The following EMC2 variants were observed in gnomAD, a reference collection of about 807,000 sequenced individuals.
EMC2 encodes the protein TPR repeat protein 35.
A neutral mutation model predicts 51.6 loss-of-function variants in EMC2; 37 were observed. The ratio of observed to expected loss-of-function variants is 0.72; its 90% CI spans 0.55 to 0.94. The LOEUF (loss-of-function observed/expected upper bound fraction) is 0.94. Among genes scored for constraint, EMC2 ranks in the 40% least tolerant of loss-of-function variants. EMC2 has a pLI of 0.00. For missense variants in EMC2, 359 were observed against 350.9 expected (o/e 1.02, Z -0.18); for synonymous variants, 131 against 112.4 (o/e 1.17, Z -1.04).
Position 108,455,942 on chromosome 8 carries a change from G to A in EMC2, c.363+12G>A, listed in dbSNP as rs1364189274. 2.3e-6 allele frequency: 3 copies of A among 1,287,012 alleles called. No homozygotes were observed. Among genetic ancestry groups the A allele is most frequent in the Admixed American group, 2.6e-5 (1 of 38,626 alleles). The allele number at this position is 1,287,012 out of a possible 1,614,324, so 79.7% of individuals were successfully genotyped here. A position where few individuals can be genotyped will look rare whatever the true frequency, so the allele number is the denominator to read the frequency against. On this transcript the variant is annotated intron_variant, in intron 5 of 10. Transcript: ENST00000220853. ...ATCCAACTAACACTGTAAGTTGGCA[G>A]ATTGTCTTGAAAAAAATCTAAAGTT... is the stretch of plus-strand genomic sequence containing the variant.
rs1172582972 is a variant in EMC2 at position 108,476,762 on chromosome 8, C to A, written c.592-20C>A. The A allele has an allele frequency of 6.5e-6, 7 of 1,079,434 alleles. No individual in the cohort carries two copies. Among genetic ancestry groups the A allele is most frequent in the Non-Finnish European group, 1.0e-5 (7 of 693,950 alleles). The allele number at this position is 1,079,434 out of a possible 1,614,324, so 66.9% of individuals were successfully genotyped here. A position where few individuals can be genotyped will look rare whatever the true frequency, so the allele number is the denominator to read the frequency against. On this transcript the variant is annotated intron_variant, in intron 8 of 10. Transcript: ENST00000220853. ...AAGTAGTAAAATAAACAGTTTTCAG[C>A]ACTTTGCAATTTTTAACAGGTTAAG...
Position 108,451,074 on chromosome 8 carries a change from G to A in EMC2, c.219+582G>A, listed in dbSNP as rs544403268. ...AAAAATCAGCCAGGCGTGGTGGAGC[G>A]TGCCTCTAGTCCCAGCTACTCTGGG... On this transcript the variant is annotated intron_variant, in intron 3 of 10. Transcript: ENST00000220853. 5.3e-5 allele frequency among the ~76,000 whole-genome samples: 8 copies of A among 152,156 alleles called. 1 individual carries two copies. Among genetic ancestry groups the A allele is most frequent in the South Asian group, 2.1e-4 (1 of 4,818 alleles).
chr8:108,467,198 C>T (rs756467335), intron 5 of EMC2, among the ~76,000 whole-genome samples: 2 of 152,090 alleles, frequency 1.3e-5, no homozygotes, highest in Non-Finnish European at 2.9e-5. Context: ...GGTATGAATG[C>T]GTGGAAACTA....
chr8:108,470,779 G>A (rs367946606), intron 7 of EMC2: 11 of 152,016 alleles, frequency 7.2e-5, no homozygotes, highest in East Asian at 1.9e-4. Flanking sequence ...ATCTAGAGGC[G>A]TGTTTTTTAT....
At chr8:108,444,076 A>G (rs1045449885) in intron 1 of EMC2, among the ~76,000 whole-genome samples, 1 of 152,246 alleles carries the variant, frequency 6.6e-6, no homozygotes, top group Admixed American at 6.5e-5. Context: ...CAAGAAACAC[A>G]GGGCCTGTAA....
At chr8:108,459,721 A>AGAGTGT (rs763020311) in intron 5 of EMC2, among the ~76,000 whole-genome samples, 147 of 136,962 alleles carry the variant, frequency 1.1e-3, no homozygotes, top group African/African-American at 3.4e-3. Flanking sequence ...AGAGAGAGAG[A>AGAGTGT]GTGTGTGTGT....
intron 10 of EMC2, among the ~76,000 whole-genome samples, chr8:108,484,207 A>G (rs1028892090): frequency 3.9e-5 from 6 of 152,104 alleles, no homozygotes; most frequent in Non-Finnish European, 8.8e-5. Flanking sequence ...TATGATATTT[A>G]TGATTGCAGC....
chr8:108,478,124 G>A (rs1214139972), intron 9 of EMC2, among the ~76,000 whole-genome samples: 2 of 151,990 alleles, frequency 1.3e-5, no homozygotes, highest in Non-Finnish European at 2.9e-5. Flanking sequence ...CAGAGAGGGA[G>A]ACATAGGTGA....
intron 10 of EMC2, among the ~76,000 whole-genome samples, chr8:108,485,544 T>C (rs1811122777): frequency 1.5e-5 from 1 of 66,636 alleles, no homozygotes; most frequent in African/African-American, 9.8e-5. Context: ...TATATATATG[T>C]ATATATATAT....
At chr8:108,479,254 T>G (rs1157999952) in intron 10 of EMC2, 144 bp downstream of exon 10, 3 of 398,916 alleles carry the variant, frequency 7.5e-6, no homozygotes, top group Non-Finnish European at 1.3e-5. Context: ...TTTGAATTAA[T>G]TTGTAGTTTT....
At chr8:108,465,959 G>C (rs1182206465) in intron 5 of EMC2, among the ~76,000 whole-genome samples, 1 of 152,112 alleles carries the variant, frequency 6.6e-6, no homozygotes, top group Non-Finnish European at 1.5e-5. Flanking sequence ...GAAAGGGAGT[G>C]ATAGAATTGA....
chr8:108,468,679 G>C (rs572637262), intron 5 of EMC2, among the ~76,000 whole-genome samples: 4 of 151,990 alleles, frequency 2.6e-5, no homozygotes, highest in African/African-American at 7.3e-5. Context: ...TTTTACTTCT[G>C]TCTGCATCTT....
Position 108,475,942 on chromosome 8 carries a change from A to T in EMC2, c.570A>T (p.Leu190Phe). 1 of 1,595,532 alleles carries T rather than the reference A, an allele frequency of 6.3e-7. No individual in the cohort carries two copies. Among genetic ancestry groups the T allele is most frequent in the East Asian group, 2.3e-5 (1 of 44,090 alleles). ...TGATGACTAATCCACACAACCACTTATACTGTCAGCAGTATGCTGAAGTAA... is the reference window on the plus strand; with the variant it reads ...TGATGACTAATCCACACAACCACTTTTACTGTCAGCAGTATGCTGAAGTAA... The part of the protein sequence containing the change: ...ELMMTNPHNH[L>F]YCQQYAEVKY... The change falls in exon 8 of 11, where the codon TTA (leucine) becomes TTT (phenylalanine). Residue 190 changes from leucine to phenylalanine, a missense_variant. By Grantham distance (22) the Leu-to-Phe change is conservative. Coordinates refer to ENST00000220853, the MANE Select transcript of EMC2 (RefSeq NM_014673.5).
At chr8:108,451,317 G>T (rs186829010) in intron 3 of EMC2, among the ~76,000 whole-genome samples, 1 of 152,124 alleles carries the variant, frequency 6.6e-6, no homozygotes, top group Admixed American at 6.5e-5. Context: ...TTTACATCAT[G>T]ATTTTATTGA....
intron 10 of EMC2, 148 bp downstream of exon 10, chr8:108,479,258 T>C: frequency 2.5e-6 from 1 of 396,832 alleles, no homozygotes. Flanking sequence ...AATTAATTTG[T>C]AGTTTTAAGA....
intron 5 of EMC2, among the ~76,000 whole-genome samples, chr8:108,462,941 G>C (rs1045195036): frequency 1.3e-5 from 2 of 152,216 alleles, no homozygotes; most frequent in East Asian, 3.9e-4. Flanking sequence ...TTTCTGAGCT[G>C]TCTCCTTTTA....
chr8:108,477,713 G>A (rs1024438954), intron 9 of EMC2, among the ~76,000 whole-genome samples: 2 of 152,014 alleles, frequency 1.3e-5, no homozygotes, highest in Non-Finnish European at 2.9e-5. Context: ...AATTGCAATG[G>A]CTTGAAAATA....
chr8:108,471,825 G>GT (rs1423576349), intron 7 of EMC2, among the ~76,000 whole-genome samples: 2 of 151,860 alleles, frequency 1.3e-5, no homozygotes, highest in African/African-American at 4.8e-5. Context: ...TAAATAAGAT[G>GT]TACATTTTCT....
At position 108,455,901 on chromosome 8, in the gene EMC2, A is replaced by T; in HGVS notation, c.334A>T (p.Arg112Trp). The T allele has an allele frequency of 7.3e-7, 1 of 1,370,272 alleles. No individual in the cohort carries two copies. Among genetic ancestry groups the T allele is most frequent in the Non-Finnish European group, 1.0e-6 (1 of 1,004,612 alleles). 84.9% of individuals were successfully genotyped at this position (1,370,272 alleles called of 1,614,324 possible). The change falls in exon 5 of 11, where the codon AGG (arginine) becomes TGG (tryptophan). Residue 112 changes from arginine (R) to tryptophan (W), a missense_variant. By Grantham distance (101) the Arg-to-Trp change is moderately radical. Coordinates refer to ENST00000220853, the MANE Select transcript of EMC2 (RefSeq NM_014673.5). Reference protein sequence around the residue: ...RYDDAIQLYDRILQEDPTNTA... With the variant: ...RYDDAIQLYDWILQEDPTNTA... Reference sequence around the variant, plus strand: ...TGATGATGCTATACAGCTATATGATAGGATTTTACAAGAAGATCCAACTAA... The same window carrying T: ...TGATGATGCTATACAGCTATATGATTGGATTTTACAAGAAGATCCAACTAA...
Sources: gnomAD v4.1 joint callset for allele counts (sites outside exome capture counted in the v4.1 genomes callset) on GRCh38, gnomAD v4.1.1 for gene constraint, MANE v1.5 for transcripts, NCBI Gene and HGNC (gene_info 2026-07-23, HGNC 2026-07-21) for gene names.